SFTPD: variants seen among roughly 807,000 people sequenced by gnomAD.
The protein encoded by SFTPD is pulmonary surfactant-associated protein D.
SFTPD carries 18 observed loss-of-function variants against 34.6 expected under a neutral mutation model. That is an observed-to-expected ratio of 0.52 (90% CI 0.36 to 0.77). SFTPD has a LOEUF of 0.77. Among genes scored for constraint, SFTPD ranks in the 30% least tolerant of loss-of-function variants. The pLI, the probability that SFTPD is intolerant of heterozygous loss-of-function variation, is 0.00. For synonymous variants in SFTPD, 155 were observed against 180.9 expected, an observed-to-expected ratio of 0.86 and a Z score of 1.15; for missense variants, 433 against 468.9, an observed-to-expected ratio of 0.92 and a Z score of 0.71.
intron 1 of SFTPD, among the ~76,000 whole-genome samples, chr10:79,964,172 T>G (rs866542610): frequency 6.6e-6 from 1 of 152,292 alleles, no homozygotes; most frequent in African/African-American, 2.4e-5. Context: ...TCATCAATAT[T>G]TATACTGACT....
intron 1 of SFTPD, among the ~76,000 whole-genome samples, chr10:79,960,183 A>G (rs1444750873): frequency 3.3e-5 from 5 of 150,850 alleles, no homozygotes; most frequent in Non-Finnish European, 7.4e-5. Flanking sequence ...CCCACAGCCA[A>G]TATCATACTG....
At chr10:79,982,272 G>C (rs1842895701) in intron 1 of SFTPD, 2 of 971,752 alleles carry the variant, frequency 2.1e-6, no homozygotes, top group Admixed American at 4.6e-5. Flanking sequence ...GGGGGCGCTC[G>C]GGCCACCGCG....
At chr10:79,959,097 G>A (rs947997449) in intron 1 of SFTPD, among the ~76,000 whole-genome samples, 15 of 150,974 alleles carry the variant, frequency 9.9e-5, no homozygotes, top group African/African-American at 2.7e-4. Context: ...TGAAACCAAC[G>A]AGAACAAAGA....
intron 1 of SFTPD, among the ~76,000 whole-genome samples, chr10:79,966,975 TA>T (rs1300198204): frequency 2.1e-5 from 3 of 144,716 alleles, no homozygotes; most frequent in Non-Finnish European, 3.0e-5. Flanking sequence ...GAGAAGGAAA[TA>T]AAGGGTATTC....
At position 79,942,646 on chromosome 10, in the gene SFTPD, C is replaced by T. The variant is rs928536710; in HGVS notation, c.316+117G>A. 1.9e-5 allele frequency: 18 copies of T among 930,696 alleles called. No individual in the cohort carries two copies. In the African/African-American group the frequency reaches 2.1e-4, roughly 11 times the overall value. The allele number at this position is 930,696 out of a possible 1,614,324, so 57.7% of individuals were successfully genotyped here. On this transcript the variant is annotated intron_variant, in intron 3 of 7. Transcript: ENST00000372292. ...CAGGTCCCATCTGTCCTGAAATGAC[C>T]CAGTGCCACCTTCAGACAACCTTCT...
At chr10:79,956,530 C>T (rs573770557) in intron 1 of SFTPD, among the ~76,000 whole-genome samples, 11 of 152,370 alleles carry the variant, frequency 7.2e-5, no homozygotes, top group East Asian at 5.8e-4. Context: ...GAGGGGCCTA[C>T]GCCCACGGAG....
intron 7 of SFTPD, 25 bp downstream of exon 7, chr10:79,940,680 T>C (rs761874367): frequency 2.1e-5 from 31 of 1,476,468 alleles, no homozygotes; most frequent in East Asian, 1.1e-4. Context: ...CAGTGCTGGG[T>C]CCAGGTTCAG....
At chr10:79,957,038 CAG>C (rs1296289448) in intron 1 of SFTPD, among the ~76,000 whole-genome samples, 1 of 134,092 alleles carries the variant, frequency 7.5e-6, no homozygotes, top group Non-Finnish European at 1.6e-5. Flanking sequence ...CCCAGGCAAA[CAG>C]GGTCTGGAGT....
At chr10:79,949,711 A>C (rs549886391), upstream of SFTPD, among the ~76,000 whole-genome samples, 28 of 152,172 alleles carry the variant, frequency 1.8e-4, no homozygotes, top group African/African-American at 6.7e-4. Context: ...TGTGGGATGG[A>C]TTTCCCTTAG....
chr10:79,961,417 C>G (rs1353704719), intron 1 of SFTPD, among the ~76,000 whole-genome samples: 1 of 149,952 alleles, frequency 6.7e-6, no homozygotes, highest in African/African-American at 2.4e-5. Flanking sequence ...GGCTAATATG[C>G]AGAATCTACA....
chr10:79,941,094 A>C (rs1842606771), intron 6 of SFTPD, among the ~76,000 whole-genome samples: 1 of 152,166 alleles, frequency 6.6e-6, no homozygotes, highest in Non-Finnish European at 1.5e-5. Context: ...ATACACACTC[A>C]TGTGTTTCCT....
intron 1 of SFTPD, among the ~76,000 whole-genome samples, chr10:79,976,752 A>G (rs2132527094): frequency 6.6e-6 from 1 of 152,288 alleles, no homozygotes. Flanking sequence ...CCTGGCAACC[A>G]TCCTCTCAGA....
chr10:79,971,312 A>G (rs971165218), intron 1 of SFTPD: 2 of 152,090 alleles, frequency 1.3e-5, no homozygotes, highest in African/African-American at 4.8e-5. Context: ...ATACTGGCCT[A>G]TGGTTTTCTT....
intron 2 of SFTPD, among the ~76,000 whole-genome samples, chr10:79,944,108 G>A (rs1842642660): frequency 6.6e-6 from 1 of 152,200 alleles, no homozygotes; most frequent in Admixed American, 6.5e-5. Flanking sequence ...AGTGCCACCT[G>A]AAGTGGAGCT....
At chr10:79,973,667 GT>G (rs1842848060) in intron 1 of SFTPD, among the ~76,000 whole-genome samples, 1 of 147,566 alleles carries the variant, frequency 6.8e-6, no homozygotes, top group African/African-American at 2.5e-5. Context: ...TAATTTCCTT[GT>G]GTTATTTTAT....
chr10:79,938,357 G>A (rs575327936), intron 7 of SFTPD, 129 bp from the exon 8 acceptor site: 371 of 761,740 alleles, frequency 4.9e-4, no homozygotes, highest in Non-Finnish European at 7.6e-4. Context: ...GGATGCCAGA[G>A]AGAATGCAAG....
At chr10:79,959,691 T>C (rs1156382092) in intron 1 of SFTPD, among the ~76,000 whole-genome samples, 1 of 152,160 alleles carries the variant, frequency 6.6e-6, no homozygotes, top group Non-Finnish European at 1.5e-5. Context: ...ACCAGATGGA[T>C]TCACAGCCAA....
chr10:79,941,810 A>G, intron 5 of SFTPD, 144 bp downstream of exon 5: 1 of 697,780 alleles, frequency 1.4e-6, no homozygotes, highest in Non-Finnish European at 2.5e-6. Context: ...CCCCTCATGC[A>G]CCCTTCTTGG....
intron 1 of SFTPD, chr10:79,969,762 G>T (rs1025831864): frequency 2.0e-5 from 3 of 152,086 alleles, no homozygotes; most frequent in African/African-American, 7.2e-5. Context: ...TCTGGTTATG[G>T]AGTATTTGAG....
Sources: allele counts gnomAD v4.1 joint callset (sites outside exome capture counted in the v4.1 genomes callset), GRCh38; gene constraint gnomAD v4.1.1; transcripts MANE v1.5; gene names NCBI Gene and HGNC (gene_info 2026-07-23, HGNC 2026-07-21).